The following AKAIN1 variants were observed in gnomAD, a reference collection of about 807,000 sequenced individuals.
AKAIN1 encodes A-kinase anchor inhibitor 1, also known as A-kinase anchor protein inhibitor 1.
In AKAIN1, 3 loss-of-function variants were observed where a neutral mutation model predicts 3.7. That is an observed-to-expected ratio of 0.82 (90% CI 0.37 to 2.12). The LOEUF is 2.12. Ranked by LOEUF, AKAIN1 falls within the 30% of genes most tolerant of loss-of-function variation. The pLI, the probability that AKAIN1 is intolerant of heterozygous loss-of-function variation, is 0.06. For missense variants in AKAIN1, 82 were observed against 82.7 expected (o/e 0.99, Z 0.03); for synonymous variants, 31 against 30.8 (o/e 1.01, Z -0.02).
intron 1 of AKAIN1, among the ~76,000 whole-genome samples, chr18:5,195,252 C>T (rs1044747426): frequency 2.6e-5 from 4 of 152,144 alleles, no homozygotes; most frequent in Admixed American, 6.6e-5. Flanking sequence ...CAGAACAAAA[C>T]ACTAATACAA....
At chr18:5,190,590 T>G (rs2071313357) in intron 1 of AKAIN1, among the ~76,000 whole-genome samples, 1 of 152,174 alleles carries the variant, frequency 6.6e-6, no homozygotes, top group Non-Finnish European at 1.5e-5. Context: ...TTCACATCAT[T>G]TTCTAATAGT....
At chr18:5,149,285 T>C (rs1490715564) in intron 1 of AKAIN1, among the ~76,000 whole-genome samples, 1 of 152,150 alleles carries the variant, frequency 6.6e-6, no homozygotes, top group Non-Finnish European at 1.5e-5. Flanking sequence ...TAACAGATAA[T>C]ACATGCCAAA....
intron 1 of AKAIN1, among the ~76,000 whole-genome samples, chr18:5,188,549 A>T (rs558506329): frequency 6.6e-6 from 1 of 151,976 alleles, no homozygotes; most frequent in Non-Finnish European, 1.5e-5. Flanking sequence ...CTAAGCCCTT[A>T]TGTAGGTGCC....
At chr18:5,174,692 G>C (rs537488502) in intron 1 of AKAIN1, among the ~76,000 whole-genome samples, 4 of 152,078 alleles carry the variant, frequency 2.6e-5, no homozygotes, top group Non-Finnish European at 5.9e-5. Flanking sequence ...GGTAAGCTGA[G>C]ACTAGGCTAC....
chr18:5,179,943 C>T (rs937537558), intron 1 of AKAIN1, among the ~76,000 whole-genome samples: 2 of 152,166 alleles, frequency 1.3e-5, no homozygotes, highest in Non-Finnish European at 2.9e-5. Context: ...CCATCCCACA[C>T]TCCAGCACTC....
intron 1 of AKAIN1, 56 bp downstream of exon 1, chr18:5,196,982 G>A (rs292285): frequency 0.44 from 640,262 of 1,459,850 alleles, 142,481 homozygotes; most frequent in African/African-American, 0.57. Context: ...TCTCCTCTCC[G>A]TCCTCTACCC....
intron 1 of AKAIN1, among the ~76,000 whole-genome samples, chr18:5,163,526 C>A (rs2071151085): frequency 1.3e-5 from 2 of 151,976 alleles, no homozygotes; most frequent in Admixed American, 1.3e-4. Flanking sequence ...TAGAAATAAA[C>A]CAAGTGGAAA....
At position 5,145,583 on chromosome 18, in the gene AKAIN1, G is replaced by C. The variant is rs1242771474; in HGVS notation, c.189C>G (p.Thr63=). 1 of 1,551,428 alleles carries C rather than the reference G, an allele frequency of 6.4e-7. No homozygotes were observed. The highest frequency in any genetic ancestry group is 1.2e-5 in the South Asian group (1 of 84,030). ...DHIQLGVGEL[T]KKHEKK is the part of the protein sequence containing the mutation. ...CATGTTACTTCTTTTCGTGCTTCTT[G>C]GTTAACTCCCCAACGCCCAGTTGGA... The change falls in exon 2 of 2, where the codon ACC becomes ACG. Residue 63 remains threonine, a synonymous_variant. Transcript: ENST00000434239.
chr18:5,194,351 C>T (rs1377752993), intron 1 of AKAIN1, among the ~76,000 whole-genome samples: 1 of 152,112 alleles, frequency 6.6e-6, no homozygotes, highest in Non-Finnish European at 1.5e-5. Flanking sequence ...CTGTCTGCCT[C>T]ATGCAAACTG....
chr18:5,176,720 A>G (rs2071229000), intron 1 of AKAIN1, among the ~76,000 whole-genome samples: 1 of 152,204 alleles, frequency 6.6e-6, no homozygotes, highest in East Asian at 1.9e-4. Flanking sequence ...TAATGGCTAG[A>G]TAATAAAAAC....
At chr18:5,158,269 C>T (rs928605670) in intron 1 of AKAIN1, among the ~76,000 whole-genome samples, 1 of 152,162 alleles carries the variant, frequency 6.6e-6, no homozygotes, top group African/African-American at 2.4e-5. Context: ...CTGCTCTTGG[C>T]CTCCTTTGCT....
chr18:5,183,634 A>G (rs966727748), intron 1 of AKAIN1, among the ~76,000 whole-genome samples: 6 of 152,084 alleles, frequency 3.9e-5, no homozygotes, highest in African/African-American at 1.4e-4. Context: ...AAAAGTAAAA[A>G]TGAAGGAAAA....
At chr18:5,197,517 C>CAAAAA, upstream of AKAIN1, 1 of 240,050 alleles carries the variant, frequency 4.2e-6, no homozygotes, top group Non-Finnish European at 5.5e-6. This position sits in a 1 kb window ranked among gnomAD's most constrained non-coding sequence, Gnocchi z 6.9. Context: ...AAAAAAAAAA[C>CAAAAA]TCTAAGAGCT....
intron 1 of AKAIN1, among the ~76,000 whole-genome samples, chr18:5,180,451 T>C (rs1204930631): frequency 6.6e-6 from 1 of 152,034 alleles, no homozygotes; most frequent in Non-Finnish European, 1.5e-5. Context: ...GTCATACCAG[T>C]TCTTTCTACT....
Position 5,197,211 on chromosome 18 carries a change from C to A in AKAIN1, c.-158G>T. ...CCCCGGACAGCTCCCGCCGCTAGAT[C>A]CTGGGGCCGCAGCTCCAGCCGCCGC... On this transcript the variant is annotated 5_prime_UTR_variant, in exon 1 of 2. Transcript: ENST00000434239. The surrounding 1 kb of genome is among the most constrained non-coding windows in gnomAD (Gnocchi z 6.9). The A allele has an allele frequency of 1.4e-6, 2 of 1,398,332 alleles. No individual in the cohort carries two copies. The highest frequency in any genetic ancestry group is 1.6e-5 in the South Asian group (1 of 62,270). The allele number at this position is 1,398,332 out of a possible 1,614,324, so 86.6% of individuals were successfully genotyped here. A position where few individuals can be genotyped will look rare whatever the true frequency, so the allele number is the denominator to read the frequency against.
chr18:5,174,814 C>T (rs902069731), intron 1 of AKAIN1, among the ~76,000 whole-genome samples: 5 of 152,120 alleles, frequency 3.3e-5, no homozygotes, highest in African/African-American at 1.2e-4. Context: ...GACTCCACCA[C>T]GGGAACAACT....
chr18:5,188,847 G>C (rs2071302362), intron 1 of AKAIN1, among the ~76,000 whole-genome samples: 1 of 152,076 alleles, frequency 6.6e-6, no homozygotes, highest in South Asian at 2.1e-4. Context: ...ACTGTTAAGA[G>C]GGCAGCCAGC....
chr18:5,174,568 C>T (rs1185344882), intron 1 of AKAIN1, among the ~76,000 whole-genome samples: 1 of 152,124 alleles, frequency 6.6e-6, no homozygotes, highest in Non-Finnish European at 1.5e-5. Context: ...TGGCAAAACC[C>T]TATCCCTACT....
At chr18:5,192,660 T>C (rs547502697) in intron 1 of AKAIN1, among the ~76,000 whole-genome samples, 4 of 152,140 alleles carry the variant, frequency 2.6e-5, no homozygotes, top group South Asian at 2.1e-4. Flanking sequence ...TTGTAAGCCA[T>C]TCTATCTACG....
Sources: allele counts gnomAD v4.1 joint callset (sites outside exome capture counted in the v4.1 genomes callset), GRCh38; gene constraint gnomAD v4.1.1; non-coding constraint Gnocchi (gnomAD v3.1); transcripts MANE v1.5; gene names NCBI Gene and HGNC (gene_info 2026-07-23, HGNC 2026-07-21).